CYRIB: variants seen among roughly 807,000 people sequenced by gnomAD.
CYRIB encodes the protein CYFIP related Rac1 interactor B, also known as CYFIP-related Rac1 interactor B.
CYRIB carries 8 observed loss-of-function variants against 44.2 expected under a neutral mutation model. The ratio of observed to expected loss-of-function variants is 0.18; its 90% confidence interval spans 0.11 to 0.33. The LOEUF (loss-of-function observed/expected upper bound fraction) is 0.33, where lower values mean the gene tolerates loss of function less well. Ranked by LOEUF, CYRIB falls within the 10% of genes least tolerant of loss-of-function variation. CYRIB has a pLI of 1.00. For synonymous variants in CYRIB, 131 were observed against 127.2 expected (o/e 1.03, Z -0.20); for missense variants, 185 against 382.8 (o/e 0.48, Z 4.31).
chr8:129,884,419 G>A (rs2061946052), intron 2 of CYRIB, among the ~76,000 whole-genome samples: 1 of 152,036 alleles, frequency 6.6e-6, no homozygotes, highest in South Asian at 2.1e-4. Context: ...CTCCTGAGTA[G>A]CTGGGATTAC....
intron 1 of CYRIB, among the ~76,000 whole-genome samples, chr8:129,935,630 T>C (rs947329519): frequency 3.3e-5 from 5 of 152,188 alleles, no homozygotes; most frequent in African/African-American, 9.7e-5. Flanking sequence ...AGGGTCTGTA[T>C]CAATCTAGAA....
intron 1 of CYRIB, among the ~76,000 whole-genome samples, chr8:129,974,455 T>C (rs2095837193): frequency 6.6e-6 from 1 of 152,154 alleles, no homozygotes; most frequent in Non-Finnish European, 1.5e-5. Flanking sequence ...TGGGATGCTC[T>C]AGGCAGCACT....
intron 2 of CYRIB, among the ~76,000 whole-genome samples, chr8:129,884,972 A>G (rs751552959): frequency 4.6e-5 from 7 of 152,232 alleles, no homozygotes; most frequent in Non-Finnish European, 1.0e-4. Context: ...AAGCTAACAA[A>G]AGGCACTTAA....
chr8:129,863,966 A>G (rs1414737527), intron 4 of CYRIB, among the ~76,000 whole-genome samples: 1 of 152,230 alleles, frequency 6.6e-6, no homozygotes, highest in Non-Finnish European at 1.5e-5. Context: ...GACATGTCTC[A>G]ATACTCCCAA....
At chr8:129,948,268 T>G (rs1023382084) in intron 2 of CYRIB, among the ~76,000 whole-genome samples, 1 of 152,210 alleles carries the variant, frequency 6.6e-6, no homozygotes, top group Non-Finnish European at 1.5e-5. Context: ...GAAAAGATTT[T>G]CTGCACGCCT....
intron 1 of CYRIB, among the ~76,000 whole-genome samples, chr8:129,975,105 G>A (rs556571558): frequency 1.3e-5 from 2 of 151,900 alleles, no homozygotes; most frequent in East Asian, 1.9e-4. Flanking sequence ...GGTCTCGAAC[G>A]CCTGACCTCA....
intron 3 of CYRIB, among the ~76,000 whole-genome samples, chr8:129,871,892 C>T (rs1330151399): frequency 6.6e-6 from 1 of 152,102 alleles, no homozygotes; most frequent in Non-Finnish European, 1.5e-5. Flanking sequence ...AGAAAGCCTA[C>T]TAAAACATGT....
chr8:129,931,424 C>T (rs2091311070), intron 1 of CYRIB, among the ~76,000 whole-genome samples: 3 of 152,080 alleles, frequency 2.0e-5, no homozygotes, highest in Admixed American at 1.3e-4. Context: ...TTCTTAAAAC[C>T]CTGTAATCTC....
chr8:129,999,090 C>T (rs1174003273), intron 1 of CYRIB, among the ~76,000 whole-genome samples: 4 of 152,080 alleles, frequency 2.6e-5, no homozygotes, highest in Non-Finnish European at 4.4e-5. Context: ...CAATTATTCA[C>T]CCTAACAGAG....
chr8:129,927,740 T>C (rs1421276464), intron 1 of CYRIB, among the ~76,000 whole-genome samples: 1 of 152,198 alleles, frequency 6.6e-6, no homozygotes, highest in Non-Finnish European at 1.5e-5. Flanking sequence ...TTTACAAGAA[T>C]TTTCATTATT....
At chr8:129,866,781 C>A (rs996898349) in intron 4 of CYRIB, among the ~76,000 whole-genome samples, 1 of 152,218 alleles carries the variant, frequency 6.6e-6, no homozygotes, top group African/African-American at 2.4e-5. Context: ...CCTGCCCCTG[C>A]CTTGCCTAGA....
Position 129,903,361 on chromosome 8 carries a change from A to T in CYRIB, c.-49-11T>A, listed in dbSNP as rs74507367. On this transcript the variant is annotated splice_polypyrimidine_tract_variant and intron_variant, in intron 1 of 11. Coordinates refer to ENST00000519824, the Ensembl canonical transcript of CYRIB. ...TCCTTGTCCTTCTATCTGTTTAAGG[A>T]AAGAAAAAAAGGAAGAAAGTCTAAA... 7.3e-3 allele frequency: 1,108 copies of T among 152,772 alleles called. 41 individuals carry two copies. In the East Asian group the frequency reaches 0.12, roughly 16 times the overall value. 9.5% of individuals were successfully genotyped at this position (152,772 alleles called of 1,614,324 possible). A position where few individuals can be genotyped will look rare whatever the true frequency, so the allele number is the denominator to read the frequency against.
chr8:129,940,800 G>A (rs1192647537), upstream of CYRIB, among the ~76,000 whole-genome samples: 2 of 152,050 alleles, frequency 1.3e-5, no homozygotes, highest in Admixed American at 1.3e-4. Context: ...GCAGTCACAG[G>A]CCCAACTGAA....
chr8:129,860,008 T>G (rs1346150711), intron 5 of CYRIB, among the ~76,000 whole-genome samples: 3 of 152,200 alleles, frequency 2.0e-5, no homozygotes, highest in Non-Finnish European at 4.4e-5. Context: ...GTATGCAAAC[T>G]GGCAAGGGAT....
intron 1 of CYRIB, among the ~76,000 whole-genome samples, chr8:129,972,920 G>A (rs565313847): frequency 3.2e-4 from 48 of 152,270 alleles, no homozygotes; most frequent in Middle Eastern, 3.4e-3. Context: ...ACCAGATCTC[G>A]CCTCCTCTTC....
intron 1 of CYRIB, among the ~76,000 whole-genome samples, chr8:129,982,615 C>T (rs1812141): frequency 0.27 from 40,475 of 152,080 alleles, 5,575 homozygotes; most frequent in East Asian, 0.39. Context: ...TCCTCACAAA[C>T]TTACTTTGCA....
intron 9 of CYRIB, 76 bp from the exon 12 acceptor site, chr8:129,849,445 AC>A: frequency 2.9e-6 from 4 of 1,385,442 alleles, no homozygotes; most frequent in Non-Finnish European, 3.9e-6. Flanking sequence ...CACAAGAAAA[AC>A]CTCTTCTGAA....
intron 2 of CYRIB, among the ~76,000 whole-genome samples, chr8:129,945,851 T>C (rs2094106952): frequency 6.6e-6 from 1 of 152,144 alleles, no homozygotes; most frequent in Admixed American, 6.5e-5. Flanking sequence ...TGGGAGCCAC[T>C]GCACCCAGCT....
At chr8:129,964,605 C>T (rs557503617) in intron 2 of CYRIB, among the ~76,000 whole-genome samples, 38 of 152,262 alleles carry the variant, frequency 2.5e-4, no homozygotes, top group African/African-American at 9.1e-4. Context: ...ATTATCGGGC[C>T]AAGCACAGTG....
Sources: gnomAD v4.1 joint callset for allele counts (sites outside exome capture counted in the v4.1 genomes callset) on GRCh38, gnomAD v4.1.1 for gene constraint, MANE v1.5 for transcripts, NCBI Gene and HGNC (gene_info 2026-07-23, HGNC 2026-07-21) for gene names.